Variants in NIBAN2 observed in about 807,000 individuals in gnomAD.
The protein encoded by NIBAN2 is niban apoptosis regulator 2, also known as protein Niban 2.
NIBAN2 carries 36 observed loss-of-function variants against 81.8 expected under a neutral mutation model. The ratio of observed to expected loss-of-function variants is 0.44; its 90% confidence interval spans 0.34 to 0.58. The LOEUF (loss-of-function observed/expected upper bound fraction) is 0.58, where lower values mean the gene tolerates loss of function less well. Among genes scored for constraint, NIBAN2 ranks in the 20% least tolerant of loss-of-function variants. NIBAN2 has a pLI of 0.02. For missense variants in NIBAN2, 897 were observed against 1,014.1 expected (o/e 0.88, Z 1.57); for synonymous variants, 445 against 441.6 (o/e 1.01, Z -0.10).
intron 1 of NIBAN2, among the ~76,000 whole-genome samples, chr9:127,577,305 C>T (rs996438295): frequency 1.6e-4 from 25 of 152,018 alleles, no homozygotes; most frequent in African/African-American, 6.0e-4. Flanking sequence ...GAGACTGTGT[C>T]CACCCTCCCC....
In NIBAN2 at chr9:127,507,747, C is replaced by A. The variant is rs1485985725; in HGVS notation, c.1654+120G>T. ...CAGCGAAGAGTGGGCTTCACCCAGA[C>A]CCCAGGTGCAAGTCTGGGCTTTTCT... On this transcript the variant is annotated intron_variant, in intron 13 of 13. Coordinates refer to ENST00000373312, the MANE Select transcript of NIBAN2 (RefSeq NM_022833.4). The surrounding 1 kb of genome is among the most constrained non-coding windows in gnomAD (Gnocchi z 6.8). 6 of 902,038 alleles carry A rather than the reference C, an allele frequency of 6.7e-6. No homozygotes were observed. In the East Asian group the frequency reaches 9.7e-5, roughly 15 times the overall value. The allele number at this position is 902,038 out of a possible 1,614,324, so 55.9% of individuals were successfully genotyped here.
intron 1 of NIBAN2, among the ~76,000 whole-genome samples, chr9:127,542,573 G>A (rs1412032992): frequency 6.6e-6 from 1 of 152,240 alleles, no homozygotes; most frequent in Non-Finnish European, 1.5e-5. Context: ...GCTGACATCG[G>A]AGCAGGCCCT....
chr9:127,531,246 G>A (rs1181550351), intron 2 of NIBAN2, among the ~76,000 whole-genome samples: 18 of 151,920 alleles, frequency 1.2e-4, no homozygotes, highest in Admixed American at 1.2e-3. Flanking sequence ...ATTTTGGGAG[G>A]CTAAGGCAGT....
At chr9:127,516,018 G>T (rs113607262) in intron 8 of NIBAN2, among the ~76,000 whole-genome samples, 1 of 151,966 alleles carries the variant, frequency 6.6e-6, no homozygotes, top group African/African-American at 2.4e-5. Flanking sequence ...CATGCCTGTA[G>T]TCCCAGCTAC....
chr9:127,577,552 A>G (rs549291391), intron 1 of NIBAN2, among the ~76,000 whole-genome samples: 6 of 144,768 alleles, frequency 4.1e-5, no homozygotes, highest in East Asian at 2.1e-4. Flanking sequence ...TCCAGATCCA[A>G]TACCCCACGC....
intron 1 of NIBAN2, among the ~76,000 whole-genome samples, chr9:127,574,959 A>G (rs980851913): frequency 3.9e-5 from 6 of 152,150 alleles, no homozygotes; most frequent in Non-Finnish European, 7.4e-5. Context: ...CCCCAAGTCC[A>G]GGGAACTGGC....
At position 127,508,512 on chromosome 9, in the gene NIBAN2, G is replaced by A. The variant is rs756098208; in HGVS notation, c.1344C>T (p.Phe448=). Reference sequence around the variant, plus strand: ...CCAGCTCCTGGTGCAGGAGGGTCTCGAACGTATACACGGCATTGTCCATTT... The same window carrying A: ...CCAGCTCCTGGTGCAGGAGGGTCTCAAACGTATACACGGCATTGTCCATTT... ...REQMDNAVYT[F]ETLLHQELGK... is the part of the protein sequence containing the mutation. The change falls in exon 11 of 14, where the codon TTC becomes TTT. Residue 448 remains phenylalanine, a synonymous_variant. Coordinates refer to ENST00000373312, the MANE Select transcript of NIBAN2 (RefSeq NM_022833.4). This position sits in a 1 kb window ranked among gnomAD's most constrained non-coding sequence, Gnocchi z 6.4. The A allele has an allele frequency of 1.9e-5, 31 of 1,613,746 alleles. No individual in the cohort carries two copies. Among genetic ancestry groups the A allele is most frequent in the Non-Finnish European group, 2.5e-5 (29 of 1,179,966 alleles).
intron 5 of NIBAN2, among the ~76,000 whole-genome samples, chr9:127,521,456 A>C (rs1025505078): frequency 6.6e-6 from 1 of 152,100 alleles, no homozygotes; most frequent in Non-Finnish European, 1.5e-5. Flanking sequence ...CCAGTGCCCC[A>C]GCTGCCTCCT....
intron 1 of NIBAN2, among the ~76,000 whole-genome samples, chr9:127,546,833 T>C (rs373961752): frequency 6.6e-6 from 1 of 151,698 alleles, no homozygotes; most frequent in African/African-American, 2.4e-5. Flanking sequence ...CAACAAAAAC[T>C]ACAATTACTA....
chr9:127,512,106 C>T (rs766336075), intron 8 of NIBAN2, among the ~76,000 whole-genome samples: 7 of 152,144 alleles, frequency 4.6e-5, no homozygotes, highest in Admixed American at 2.0e-4. Flanking sequence ...GTCACCCCTC[C>T]GCTCACTGAG....
At chr9:127,513,015 A>C (rs1400213161) in intron 8 of NIBAN2, among the ~76,000 whole-genome samples, 1 of 152,208 alleles carries the variant, frequency 6.6e-6, no homozygotes, top group African/African-American at 2.4e-5. Flanking sequence ...GTACATATAC[A>C]CGATGGGGTA....
chr9:127,511,435 G>A (rs1164798947), intron 8 of NIBAN2, among the ~76,000 whole-genome samples: 1 of 151,752 alleles, frequency 6.6e-6, no homozygotes, highest in Admixed American at 6.6e-5. Context: ...CTGGGCTCAA[G>A]TGATCCTCCT....
intron 1 of NIBAN2, among the ~76,000 whole-genome samples, chr9:127,544,049 G>A (rs1453008454): frequency 6.6e-6 from 1 of 152,206 alleles, no homozygotes; most frequent in Admixed American, 6.5e-5. Flanking sequence ...AGCAAAACTG[G>A]GATGTGAAGG....
At chr9:127,569,624 G>C (rs941256766), upstream of NIBAN2, among the ~76,000 whole-genome samples, 1 of 151,406 alleles carries the variant, frequency 6.6e-6, no homozygotes, top group Admixed American at 6.6e-5. Context: ...AGTGCCCCCT[G>C]CCCCCCCAAG....
intron 1 of NIBAN2, among the ~76,000 whole-genome samples, chr9:127,532,273 G>A (rs1183222245): frequency 6.6e-6 from 1 of 152,122 alleles, no homozygotes; most frequent in Non-Finnish European, 1.5e-5. Context: ...AGGGATGATC[G>A]GTATACATTG....
At chr9:127,558,959 A>G (rs1341288072) in intron 1 of NIBAN2, among the ~76,000 whole-genome samples, 2 of 152,038 alleles carry the variant, frequency 1.3e-5, no homozygotes, top group Admixed American at 6.5e-5. Flanking sequence ...CTTAGCGACA[A>G]CTGGACCTCC....
At chr9:127,523,941 C>T in intron 4 of NIBAN2, 95 bp from the exon 5 acceptor site, 1 of 1,380,488 alleles carries the variant, frequency 7.2e-7, no homozygotes, top group Non-Finnish European at 1.0e-6. Flanking sequence ...GCTCTGAGGT[C>T]AGGCTCAGGC....
chr9:127,564,776 G>A lies in NIBAN2; in HGVS notation c.55+4044C>T, dbSNP rs58240644. Among the ~76,000 whole-genome samples the A allele has an allele frequency of 2.7e-3, 405 of 151,956 alleles. 2 individuals carry two copies. Among genetic ancestry groups the A allele is most frequent in the African/African-American group, 9.2e-3 (382 of 41,434 alleles). On this transcript the variant is annotated intron_variant, in intron 1 of 13. Transcript: ENST00000373312. The stretch of plus-strand genomic sequence containing the variant: ...TAATCCCAGCTACTCAGGAGGCTGA[G>A]GCAGGAGAATTGCTTGAACCTGGGA...
upstream of NIBAN2, among the ~76,000 whole-genome samples, chr9:127,569,627 C>T (rs896871106): frequency 6.6e-6 from 1 of 152,046 alleles, no homozygotes; most frequent in African/African-American, 2.4e-5. Context: ...GCCCCCTGCC[C>T]CCCCAAGTCC....
Sources: gnomAD v4.1 joint callset for allele counts (sites outside exome capture counted in the v4.1 genomes callset) on GRCh38, gnomAD v4.1.1 for gene constraint, Gnocchi (gnomAD v3.1) non-coding constraint, MANE v1.5 for transcripts, NCBI Gene and HGNC (gene_info 2026-07-23, HGNC 2026-07-21) for gene names.